Variants in FRMD5 observed in about 807,000 individuals in gnomAD.
The protein encoded by FRMD5 is FERM domain-containing protein 5.
FRMD5 carries 20 observed loss-of-function variants against 69.0 expected under a neutral mutation model. The observed-to-expected ratio is 0.29, with a 90% CI of 0.20 to 0.42. The LOEUF is 0.42. FRMD5 is among the 10% of genes least tolerant of loss of function. The pLI, the probability that FRMD5 is intolerant of heterozygous loss-of-function variation, is 1.00. For missense variants in FRMD5, 595 were observed against 708.6 expected (o/e 0.84, Z 1.82); for synonymous variants, 271 against 260.1 (o/e 1.04, Z -0.40).
At chr15:44,061,962 C>G (rs1167511393) in intron 1 of FRMD5, among the ~76,000 whole-genome samples, 1 of 152,248 alleles carries the variant, frequency 6.6e-6, no homozygotes, top group East Asian at 1.9e-4. Context: ...TCTTCCTGAC[C>G]ATGTCTTTTG....
intron 1 of FRMD5, among the ~76,000 whole-genome samples, chr15:44,135,388 A>G (rs764078153): frequency 2.0e-5 from 3 of 152,206 alleles, no homozygotes; most frequent in Non-Finnish European, 2.9e-5. Flanking sequence ...CAATTTTTTC[A>G]TATTTCCTTA....
intron 5 of FRMD5, among the ~76,000 whole-genome samples, chr15:43,909,349 G>A (rs543824476): frequency 4.0e-5 from 6 of 151,282 alleles, no homozygotes; most frequent in African/African-American, 1.5e-4. Flanking sequence ...GCAGTGAGCC[G>A]AGATTGCACC....
At chr15:44,071,772 A>G (rs1893550020) in intron 1 of FRMD5, among the ~76,000 whole-genome samples, 1 of 152,216 alleles carries the variant, frequency 6.6e-6, no homozygotes, top group African/African-American at 2.4e-5. Flanking sequence ...GCATTAGTCA[A>G]AGTACATTGA....
intron 4 of FRMD5, chr15:43,918,902 T>C (rs1259320229): frequency 6.0e-6 from 1 of 166,356 alleles, no homozygotes; most frequent in Non-Finnish European, 1.3e-5. Context: ...CAAGTGGCGC[T>C]GGATGAGACA....
At chr15:44,138,025 A>C (rs2077212551) in intron 1 of FRMD5, among the ~76,000 whole-genome samples, 1 of 152,244 alleles carries the variant, frequency 6.6e-6, no homozygotes, top group African/African-American at 2.4e-5. Context: ...CACAATGATC[A>C]GAAATCTGAG....
chr15:44,151,905 A>G (rs1566973051), intron 1 of FRMD5, among the ~76,000 whole-genome samples: 1 of 152,212 alleles, frequency 6.6e-6, no homozygotes. Flanking sequence ...CAAAAATCAC[A>G]ATTAGTAAAT....
chr15:44,156,173 T>TC (rs1475676727), intron 1 of FRMD5, among the ~76,000 whole-genome samples: 5 of 152,078 alleles, frequency 3.3e-5, no homozygotes, highest in African/African-American at 1.2e-4. Context: ...AGACAGAGTC[T>TC]CGCTCTGTCA....
At chr15:43,975,085 G>A (rs1326203735) in intron 1 of FRMD5, among the ~76,000 whole-genome samples, 1 of 152,210 alleles carries the variant, frequency 6.6e-6, no homozygotes, top group East Asian at 1.9e-4. Flanking sequence ...CATGAGGAAT[G>A]AGAGCAGATT....
chr15:44,009,349 A>C (rs989737396), intron 1 of FRMD5, among the ~76,000 whole-genome samples: 1 of 152,266 alleles, frequency 6.6e-6, no homozygotes, highest in Non-Finnish European at 1.5e-5. Context: ...AAGAAATCTT[A>C]AAGATGCAAA....
At chr15:43,938,231 CAAA>C (rs775430626) in intron 1 of FRMD5, among the ~76,000 whole-genome samples, 3 of 65,166 alleles carry the variant, frequency 4.6e-5, no homozygotes, top group Non-Finnish European at 7.6e-5. Flanking sequence ...GACTCCGTCT[CAAA>C]AAAAAAAAAA....
chr15:44,167,593 ATT>A (rs202157236), intron 1 of FRMD5, among the ~76,000 whole-genome samples: 33 of 145,598 alleles, frequency 2.3e-4, no homozygotes, highest in African/African-American at 7.7e-4. Context: ...CATTATCACA[ATT>A]TTTTTTTTTT....
intron 1 of FRMD5, among the ~76,000 whole-genome samples, chr15:44,022,612 G>A (rs1404750959): frequency 6.7e-6 from 1 of 149,264 alleles, no homozygotes; most frequent in Non-Finnish European, 1.5e-5. Context: ...AAAAAAGAGG[G>A]CAGGTAATCA....
intron 1 of FRMD5, among the ~76,000 whole-genome samples, chr15:44,153,360 C>T (rs1399059616): frequency 6.6e-6 from 1 of 152,086 alleles, no homozygotes; most frequent in Non-Finnish European, 1.5e-5. Context: ...GTGGTATATA[C>T]ATATAATGAA....
intron 1 of FRMD5, among the ~76,000 whole-genome samples, chr15:44,118,840 A>G (rs1459589667): frequency 6.6e-6 from 1 of 152,212 alleles, no homozygotes; most frequent in African/African-American, 2.4e-5. Context: ...CAGTGGCGCA[A>G]TCACTGCTCA....
Position 43,919,808 on chromosome 15 carries a change from T to C in FRMD5, c.209A>G (p.His70Arg). ...IRFVDPDKQR[H>R]WLEFTKSVVK... is the part of the protein sequence containing the mutation. ...CACAGACTTTGTAAATTCCAGCCAA[T>C]GCTGAAACAGAGAACACAGAACATG... The change falls in exon 3 of 14, where the codon CAT becomes CGT. Residue 70 changes from histidine to arginine, a missense_variant and splice_region_variant. Around this residue, in one of 5 missense-constraint regions of FRMD5, gnomAD observed 79 missense variants for 139.9 expected, o/e 0.56. Coordinates refer to ENST00000417257, the MANE Select transcript of FRMD5 (RefSeq NM_032892.5). The C allele has an allele frequency of 6.2e-7, 1 of 1,613,762 alleles. No homozygotes were observed. Among genetic ancestry groups the C allele is most frequent in the South Asian group, 1.1e-5 (1 of 91,070 alleles).
rs56687595 is a variant in FRMD5, at chr15:44,176,969, T to TA, written c.102+17983dup. On this transcript the variant is annotated intron_variant, in intron 1 of 13. Transcript: ENST00000417257. Reference sequence around the variant, plus strand: ...AAGAAAGTTCATAAAATAAAATATGTAAAAAAAAAAAAAAAAAGGCAGACA... The same window carrying TA: ...AAGAAAGTTCATAAAATAAAATATGTAAAAAAAAAAAAAAAAAAGGCAGACA... 7.5e-3 allele frequency among the ~76,000 whole-genome samples: 1,025 copies of TA among 137,456 alleles called. 14 individuals are homozygous for TA. The highest frequency in any genetic ancestry group is 0.031 in the East Asian group (149 of 4,748). 90.2% of individuals were successfully genotyped at this position (137,456 alleles called of 152,430 possible).
intron 6 of FRMD5, among the ~76,000 whole-genome samples, chr15:43,904,042 G>A (rs1048855111): frequency 2.0e-5 from 3 of 152,192 alleles, no homozygotes; most frequent in Non-Finnish European, 2.9e-5. Flanking sequence ...GGAGAGGGGC[G>A]GGAAGCATCT....
intron 1 of FRMD5, among the ~76,000 whole-genome samples, chr15:44,146,763 T>A (rs569825472): frequency 6.6e-6 from 1 of 152,226 alleles, no homozygotes; most frequent in Non-Finnish European, 1.5e-5. Context: ...TGAGCTTTTT[T>A]TCATATGTTT....
intron 1 of FRMD5, among the ~76,000 whole-genome samples, chr15:44,030,743 T>C (rs1269150455): frequency 6.6e-6 from 1 of 152,092 alleles, no homozygotes; most frequent in Non-Finnish European, 1.5e-5. Flanking sequence ...AAGTTTGGCA[T>C]GGTTTGACTC....
Sources: allele counts gnomAD v4.1 joint callset (sites outside exome capture counted in the v4.1 genomes callset), GRCh38; gene constraint gnomAD v4.1.1; regional missense constraint gnomAD v4.1.1; transcripts MANE v1.5; gene names NCBI Gene and HGNC (gene_info 2026-07-23, HGNC 2026-07-21).